REDIC1: variants seen among roughly 807,000 people sequenced by gnomAD.
The protein encoded by REDIC1 is regulator of DNA class I crossover intermediates 1.
At chr12:39,725,623 G>C in the REDIC1 span, among the ~76,000 whole-genome samples, 1 of 151,832 alleles carries the variant, frequency 6.6e-6, no homozygotes, top group Non-Finnish European at 1.5e-5. Context: ...CCTTCAAAAG[G>C]CTATTTCAAG....
chr12:39,651,622 T>A, the REDIC1 span, among the ~76,000 whole-genome samples: 1 of 152,180 alleles, frequency 6.6e-6, no homozygotes, highest in Admixed American at 6.5e-5. Context: ...TCTACTTACA[T>A]TTCTGTTTGT....
At chr12:39,790,142 C>G in the REDIC1 span, among the ~76,000 whole-genome samples, 3 of 145,228 alleles carry the variant, frequency 2.1e-5, no homozygotes, top group East Asian at 6.0e-4. Flanking sequence ...TTTTTTTTGA[C>G]AGACTAAGGT....
At chr12:39,815,303 C>T in the REDIC1 span, among the ~76,000 whole-genome samples, 2 of 152,170 alleles carry the variant, frequency 1.3e-5, no homozygotes, top group Non-Finnish European at 2.9e-5. Context: ...GTGAGCTGTA[C>T]TGGATATGGT....
At chr12:39,682,652 T>A in the REDIC1 span, 1 of 1,605,234 alleles carries the variant, frequency 6.2e-7, no homozygotes, top group Non-Finnish European at 8.5e-7. Flanking sequence ...CCTGCTGTAA[T>A]TATGGATGAA....
chr12:39,748,567 A>G, the REDIC1 span, among the ~76,000 whole-genome samples: 3 of 152,214 alleles, frequency 2.0e-5, no homozygotes, highest in Non-Finnish European at 4.4e-5. Context: ...CACCAAGCAG[A>G]CCTAATAGAC....
chr12:39,712,509 G>T, the REDIC1 span, among the ~76,000 whole-genome samples: 3 of 141,292 alleles, frequency 2.1e-5, no homozygotes, highest in Non-Finnish European at 3.1e-5. Flanking sequence ...ATATACGTAT[G>T]TACGTATATA....
At chr12:39,712,507 A>G in the REDIC1 span, among the ~76,000 whole-genome samples, 1 of 142,930 alleles carries the variant, frequency 7.0e-6, no homozygotes, top group Non-Finnish European at 1.5e-5. Flanking sequence ...GTATATACGT[A>G]TGTACGTATA....
the REDIC1 span, among the ~76,000 whole-genome samples, chr12:39,714,073 G>GAGTATATATATATGTACA: frequency 6.8e-6 from 1 of 147,866 alleles, no homozygotes; most frequent in East Asian, 2.0e-4. Context: ...GTGTATATAC[G>GAGTATATATATATGTACA]TGTATATACA....
At chr12:39,645,793 G>A in the REDIC1 span, among the ~76,000 whole-genome samples, 1 of 152,036 alleles carries the variant, frequency 6.6e-6, no homozygotes. Context: ...TTAAAGACAG[G>A]GTTTCACTGT....
the REDIC1 span, among the ~76,000 whole-genome samples, chr12:39,628,065 T>G: frequency 6.6e-6 from 1 of 152,088 alleles, no homozygotes; most frequent in Non-Finnish European, 1.5e-5. Context: ...AGAATCATGT[T>G]TTTGGAGCAA....
the REDIC1 span, among the ~76,000 whole-genome samples, chr12:39,883,109 T>G: frequency 1.3e-5 from 2 of 152,210 alleles, no homozygotes; most frequent in Non-Finnish European, 2.9e-5. Flanking sequence ...TTTTAAAGTA[T>G]ATAATTCAGT....
At chr12:39,790,448 C>G in the REDIC1 span, among the ~76,000 whole-genome samples, 264 of 148,906 alleles carry the variant, frequency 1.8e-3, 4 homozygotes, top group East Asian at 0.037. Flanking sequence ...CAATTCCCAC[C>G]TATGAGTGAG....
chr12:39,657,927 C>T, the REDIC1 span, among the ~76,000 whole-genome samples: 26 of 151,646 alleles, frequency 1.7e-4, no homozygotes, highest in Admixed American at 5.3e-4. Context: ...ATTTCCTCTG[C>T]GTTTTCTAGT....
At chr12:39,848,760 T>C in the REDIC1 span, among the ~76,000 whole-genome samples, 1 of 152,140 alleles carries the variant, frequency 6.6e-6, no homozygotes, top group Non-Finnish European at 1.5e-5. Flanking sequence ...AGCAAAGACA[T>C]GGACTCAACA....
the REDIC1 span, among the ~76,000 whole-genome samples, chr12:39,709,921 C>T: frequency 1.3e-5 from 2 of 151,622 alleles, no homozygotes; most frequent in African/African-American, 4.8e-5. Context: ...GTTGCTGCAC[C>T]ATTTTATATT....
chr12:39,663,589 C>G, the REDIC1 span, among the ~76,000 whole-genome samples: 3 of 151,966 alleles, frequency 2.0e-5, no homozygotes, highest in Non-Finnish European at 2.9e-5. Context: ...CAAGGTTACT[C>G]TTGATATGTG....
the REDIC1 span, chr12:39,764,905 A>G: frequency 3.2e-6 from 5 of 1,584,234 alleles, no homozygotes; most frequent in African/African-American, 1.4e-5. Context: ...TTTTGACTAC[A>G]GTTGCAGAAA....
the REDIC1 span, among the ~76,000 whole-genome samples, chr12:39,668,031 C>T: frequency 6.6e-6 from 1 of 152,160 alleles, no homozygotes; most frequent in Non-Finnish European, 1.5e-5. Context: ...ATTTTCCACT[C>T]TGTGTCTTTT....
At chr12:39,840,435 TC>T in the REDIC1 span, among the ~76,000 whole-genome samples, 1 of 152,006 alleles carries the variant, frequency 6.6e-6, no homozygotes, top group East Asian at 1.9e-4. Flanking sequence ...AGGATGAAAA[TC>T]ATACTCCTTT....
Sources: allele counts gnomAD v4.1 joint callset (sites outside exome capture counted in the v4.1 genomes callset), GRCh38; gene constraint gnomAD v4.1.1; transcripts MANE v1.5; gene names NCBI Gene and HGNC (gene_info 2026-07-23, HGNC 2026-07-21).